The following TIGAR variants were observed in gnomAD, a reference collection of about 807,000 sequenced individuals.
TIGAR encodes fructose-2,6-bisphosphatase TIGAR.
A neutral mutation model predicts 17.9 loss-of-function variants in TIGAR; 7 were observed. The ratio of observed to expected loss-of-function variants is 0.39; its 90% CI spans 0.22 to 0.73. TIGAR has a LOEUF of 0.73. Ranked by LOEUF, TIGAR falls within the 30% of genes least tolerant of loss-of-function variation. TIGAR has a pLI of 0.42. For synonymous variants in TIGAR, 94 were observed against 108.6 expected (o/e 0.87, Z 0.84); for missense variants, 258 against 327.4 (o/e 0.79, Z 1.64).
intron 3 of TIGAR, among the ~76,000 whole-genome samples, chr12:4,339,641 C>A (rs1864698417): frequency 1.3e-5 from 2 of 152,162 alleles, no homozygotes; most frequent in African/African-American, 4.8e-5. Context: ...ACACAAAAAT[C>A]CTTAACAAAA....
rs1241083194 is a variant in TIGAR at position 4,354,546 on chromosome 12, T to C, written c.*1855T>C. On this transcript the variant is annotated 3_prime_UTR_variant, in exon 6 of 6. Transcript: ENST00000179259. ...GTGTCTGGAAGGAGATGGTACTGTT[T>C]TGGTGCTTTAAAAATAAATATCAAG... 2 of 152,042 alleles carry C rather than the reference T, an allele frequency of 1.3e-5. No homozygotes were observed. The highest frequency in any genetic ancestry group is 4.8e-5 in the African/African-American group (2 of 41,390). The allele number at this position is 152,042 out of a possible 1,614,324, so 9.4% of individuals were successfully genotyped here.
chr12:4,349,433 T>A (rs1864813704), intron 3 of TIGAR, among the ~76,000 whole-genome samples: 1 of 152,026 alleles, frequency 6.6e-6, no homozygotes, highest in Admixed American at 6.5e-5. Flanking sequence ...GTTTTTTTTT[T>A]TTGAGATGGA....
intron 1 of TIGAR, among the ~76,000 whole-genome samples, chr12:4,330,651 A>G (rs944777980): frequency 1.3e-5 from 2 of 152,040 alleles, no homozygotes; most frequent in Non-Finnish European, 2.9e-5. Flanking sequence ...CAAAGTTTCC[A>G]GTTCTTTTAC....
chr12:4,325,777 C>T (rs1478470201), intron 1 of TIGAR, among the ~76,000 whole-genome samples: 1 of 150,300 alleles, frequency 6.7e-6, no homozygotes, highest in Non-Finnish European at 1.5e-5. Flanking sequence ...CACCAAAAGT[C>T]TTGTGTTACT....
In TIGAR at chr12:4,354,159, AC is replaced by A. The variant is rs1170986252; in HGVS notation, c.*1469del. The A allele has an allele frequency of 1.3e-5, 2 of 152,476 alleles. No individual in the cohort carries two copies. The highest frequency in any genetic ancestry group is 6.5e-5 in the Admixed American group (1 of 15,304). The allele number at this position is 152,476 out of a possible 1,614,324, so 9.4% of individuals were successfully genotyped here. A position where few individuals can be genotyped will look rare whatever the true frequency, so the allele number is the denominator to read the frequency against. Reference sequence around the variant, plus strand: ...TCACATATAGTCAAAATTTACTTTGACATCATTTTAAATCATATGTAAAATT... The same window carrying A: ...TCACATATAGTCAAAATTTACTTTGAATCATTTTAAATCATATGTAAAATT... On this transcript the variant is annotated 3_prime_UTR_variant, in exon 6 of 6. Coordinates refer to ENST00000179259, the MANE Select transcript of TIGAR (RefSeq NM_020375.3).
At position 4,354,732 on chromosome 12, in the gene TIGAR, T is replaced by C. The variant is rs562960900; in HGVS notation, c.*2041T>C. On this transcript the variant is annotated 3_prime_UTR_variant, in exon 6 of 6. Transcript: ENST00000179259. ...CAGTTTTTATTTTCTTTGCTTTTTTTCTTTTTTTTTTTTTTTGGAGACAGA... is the reference window on the plus strand; with the variant it reads ...CAGTTTTTATTTTCTTTGCTTTTTTCCTTTTTTTTTTTTTTTGGAGACAGA... The C allele has an allele frequency of 2.0e-4, 30 of 150,382 alleles. No individual in the cohort carries two copies. Among genetic ancestry groups the C allele is most frequent in the African/African-American group, 6.4e-4 (26 of 40,738 alleles). 9.3% of individuals were successfully genotyped at this position (150,382 alleles called of 1,614,324 possible).
intron 3 of TIGAR, among the ~76,000 whole-genome samples, chr12:4,346,170 A>G (rs1864777866): frequency 1.3e-5 from 2 of 152,364 alleles, no homozygotes; most frequent in East Asian, 1.9e-4. Context: ...ACTGTAAACA[A>G]GTTCAACCAT....
chr12:4,334,679 A>G (rs1864639823), intron 2 of TIGAR, among the ~76,000 whole-genome samples: 1 of 152,174 alleles, frequency 6.6e-6, no homozygotes, highest in Admixed American at 6.5e-5. Flanking sequence ...CCATTCCTGA[A>G]GTACGTTCTT....
intron 3 of TIGAR, among the ~76,000 whole-genome samples, chr12:4,344,458 T>C (rs1009548860): frequency 8.5e-5 from 13 of 152,174 alleles, no homozygotes; most frequent in Admixed American, 3.9e-4. Context: ...CTGATGAACA[T>C]TGATGCAAAA....
intron 1 of TIGAR, among the ~76,000 whole-genome samples, chr12:4,322,677 A>T (rs1244552340): frequency 1.3e-5 from 2 of 151,830 alleles, no homozygotes; most frequent in African/African-American, 4.8e-5. Context: ...AATTGACTTT[A>T]ACAGCTATCT....
At chr12:4,325,341 A>G (rs1309551906) in intron 1 of TIGAR, among the ~76,000 whole-genome samples, 1 of 152,236 alleles carries the variant, frequency 6.6e-6, no homozygotes, top group African/African-American at 2.4e-5. Context: ...GTATATTAAT[A>G]AAGCAAGCAA....
Position 4,352,791 on chromosome 12 carries a change from T to C in TIGAR, c.*100T>C. On this transcript the variant is annotated 3_prime_UTR_variant, in exon 6 of 6. Transcript: ENST00000179259. ...TCTGCTAGTTCTGATTTGGAAACAG[T>C]TAAAAGCCAATTTTTAGCTCCAGTG... 1 of 1,200,580 alleles carries C rather than the reference T, an allele frequency of 8.3e-7. No homozygotes were observed. Among genetic ancestry groups the C allele is most frequent in the South Asian group, 1.6e-5 (1 of 62,676 alleles). The allele number at this position is 1,200,580 out of a possible 1,614,324, so 74.4% of individuals were successfully genotyped here.
At chr12:4,338,690 A>G (rs1286987446) in intron 3 of TIGAR, among the ~76,000 whole-genome samples, 8 of 152,140 alleles carry the variant, frequency 5.3e-5, no homozygotes, top group Admixed American at 3.9e-4. Flanking sequence ...AAAAACTCCA[A>G]ATAAACATCT....
chr12:4,341,780 A>C (rs1349661440), intron 3 of TIGAR, among the ~76,000 whole-genome samples: 1 of 152,198 alleles, frequency 6.6e-6, no homozygotes, highest in East Asian at 1.9e-4. Flanking sequence ...AAAACCACAA[A>C]GATGGGGAAA....
chr12:4,339,719 C>A lies in TIGAR; in HGVS notation c.192+2559C>A, dbSNP rs140660108. Among the ~76,000 whole-genome samples the A allele has an allele frequency of 2.9e-4, 44 of 152,300 alleles. No homozygotes were observed. In the East Asian group the frequency reaches 7.7e-3, roughly 27 times the overall value. ...CTACCTGACTGAGGGGGATTAATCC[C>A]AGGGATGCAAGGATGTTTCAACATA... On this transcript the variant is annotated intron_variant, in intron 3 of 5. Coordinates refer to ENST00000179259, the MANE Select transcript of TIGAR (RefSeq NM_020375.3).
At chr12:4,348,010 C>G (rs1285976202) in intron 3 of TIGAR, among the ~76,000 whole-genome samples, 9 of 151,982 alleles carry the variant, frequency 5.9e-5, no homozygotes. Flanking sequence ...GTGGCACTTG[C>G]CTGTAGTCCC....
rs1182437858 is a variant in TIGAR at position 4,321,225 on chromosome 12, A to G, written c.-47A>G. The G allele has an allele frequency of 1.3e-6, 2 of 1,598,718 alleles. No homozygotes were observed. The highest frequency in any genetic ancestry group is 8.5e-7 in the Non-Finnish European group (1 of 1,179,134). On this transcript the variant is annotated 5_prime_UTR_variant, in exon 1 of 6. Transcript: ENST00000179259. The surrounding 1 kb of genome is among the most constrained non-coding windows in gnomAD (Gnocchi z 5.2). The stretch of plus-strand genomic sequence containing the variant: ...GTGTGGGGGAGGTAGCCCGCAGTGC[A>G]GGGGCAGCGCGGCGCGGGGCCACCG...
Position 4,355,523 on chromosome 12 carries a change from C to T in TIGAR, c.*2832C>T, listed in dbSNP as rs892836737. ...CATATAAATTTTGGAATCAATTGGTCAATTTCCAGAAAAATTCTGTTACAA... is the reference window on the plus strand; with the variant it reads ...CATATAAATTTTGGAATCAATTGGTTAATTTCCAGAAAAATTCTGTTACAA... On this transcript the variant is annotated 3_prime_UTR_variant, in exon 6 of 6. Transcript: ENST00000179259. Among the ~76,000 whole-genome samples, 1 of 152,200 alleles carries T rather than the reference C, an allele frequency of 6.6e-6. No individual in the cohort carries two copies. Among genetic ancestry groups the T allele is most frequent in the Non-Finnish European group, 1.5e-5 (1 of 68,046 alleles).
intron 1 of TIGAR, among the ~76,000 whole-genome samples, chr12:4,323,987 G>C (rs571858552): frequency 6.6e-6 from 1 of 152,282 alleles, no homozygotes; most frequent in Non-Finnish European, 1.5e-5. Context: ...TACCTCTTCA[G>C]ATAATGCAAA....
Sources: gnomAD v4.1 joint callset for allele counts (sites outside exome capture counted in the v4.1 genomes callset) on GRCh38, gnomAD v4.1.1 for gene constraint, Gnocchi (gnomAD v3.1) non-coding constraint, MANE v1.5 for transcripts, NCBI Gene and HGNC (gene_info 2026-07-23, HGNC 2026-07-21) for gene names.